TMEM132D: variants seen among roughly 807,000 people sequenced by gnomAD.
The protein encoded by TMEM132D is transmembrane protein 132D.
Under a neutral mutation model 62.3 loss-of-function variants are expected in TMEM132D, and 21 were observed. The observed-to-expected ratio is 0.34, with a 90% CI of 0.24 to 0.49. The LOEUF (loss-of-function observed/expected upper bound fraction) is 0.49. Ranked by LOEUF, TMEM132D falls within the 20% of genes least tolerant of loss-of-function variation. The pLI is 0.99. For synonymous variants in TMEM132D, 621 were observed against 575.6 expected, an observed-to-expected ratio of 1.08 and a Z score of -1.13; for missense variants, 1,346 against 1,402.8, an observed-to-expected ratio of 0.96 and a Z score of 0.65.
In TMEM132D at chr12:129,851,474, G is replaced by A. The variant is rs375728348; in HGVS notation, c.79+51787C>T. On this transcript the variant is annotated intron_variant, in intron 1 of 8. Transcript: ENST00000422113. ...CACGCCAGCATTAACACTGCTCTAG[G>A]TTGGAGATAATTGGAACTGTAGTGA... is the stretch of plus-strand genomic sequence containing the variant. Among the ~76,000 whole-genome samples, 3 of 152,306 alleles carry A rather than the reference G, an allele frequency of 2.0e-5. No homozygotes were observed. The South Asian group carries it at 6.2e-4, about 32-fold the overall frequency.
At chr12:129,686,306 G>T (rs529084225) in intron 2 of TMEM132D, among the ~76,000 whole-genome samples, 63 of 152,202 alleles carry the variant, frequency 4.1e-4, no homozygotes, top group African/African-American at 1.5e-3. Flanking sequence ...CATGGCAGTG[G>T]TTACCCCCAT....
rs549208991 is a variant in TMEM132D, at chr12:129,348,184, AC to A, written c.1116-10368del. 3.5e-3 allele frequency among the ~76,000 whole-genome samples: 526 copies of A among 152,282 alleles called. 1 individual carries two copies. Among genetic ancestry groups the A allele is most frequent in the African/African-American group, 0.012 (496 of 41,552 alleles). ...GATCTAGAACCAGAAATACCATTTG[AC>A]CCAGCAATCCCATTACTGGGTATAT... On this transcript the variant is annotated intron_variant, in intron 3 of 8. Coordinates refer to ENST00000422113, the MANE Select transcript of TMEM132D (RefSeq NM_133448.3).
At chr12:129,456,368 G>A (rs748058523) in intron 3 of TMEM132D, among the ~76,000 whole-genome samples, 1 of 152,092 alleles carries the variant, frequency 6.6e-6, no homozygotes, top group African/African-American at 2.4e-5. Context: ...CATGGCTGAG[G>A]AGAGAGAACA....
chr12:129,830,607 T>C (rs1437819739), intron 1 of TMEM132D, among the ~76,000 whole-genome samples: 1 of 152,020 alleles, frequency 6.6e-6, no homozygotes, highest in African/African-American at 2.4e-5. Context: ...TGTCTCCTGT[T>C]TCCCTAAAAT....
Position 129,081,938 on chromosome 12 carries a change from G to T in TMEM132D, c.1744C>A (p.Gln582Lys), listed in dbSNP as rs1874465029. 6.2e-7 allele frequency: 1 copy of T among 1,613,958 alleles called. No individual in the cohort carries two copies. Among genetic ancestry groups the T allele is most frequent in the African/African-American group, 1.3e-5 (1 of 74,920 alleles). The change falls in exon 7 of 9, where the codon CAG (glutamine) becomes AAG (lysine). Residue 582 changes from glutamine to lysine, a missense_variant. Physicochemically the swap from Gln to Lys is moderately conservative, Grantham distance 53 (BLOSUM62 1). Transcript: ENST00000422113. The part of the protein sequence containing the change: ...YQHAMVRVLT[Q>K]FVAEAAGPGG... Reference sequence around the variant, plus strand: ...GGGCCGGCCGCCTCAGCCACAAACTGCGTCAGGACCCGCACCATGGCGTGC... The same window carrying T: ...GGGCCGGCCGCCTCAGCCACAAACTTCGTCAGGACCCGCACCATGGCGTGC...
chr12:129,832,642 C>G (rs928412734), intron 1 of TMEM132D, among the ~76,000 whole-genome samples: 1 of 152,152 alleles, frequency 6.6e-6, no homozygotes, highest in Non-Finnish European at 1.5e-5. Context: ...TCTGCCTCCT[C>G]CCAGGCCTCT....
At position 129,591,016 on chromosome 12, in the gene TMEM132D, A is replaced by AAAAG. The variant is rs1333230674; in HGVS notation, c.969-59815_969-59812dup. ...AGCTATGGATGTGTTATGGTGAGAG[A>AAAAG]AAAGAAAGAAAAAGAATATTGAAGA... On this transcript the variant is annotated intron_variant, in intron 2 of 8. Coordinates refer to ENST00000422113, the MANE Select transcript of TMEM132D (RefSeq NM_133448.3). 6.6e-5 allele frequency among the ~76,000 whole-genome samples: 10 copies of AAAAG among 152,324 alleles called. No homozygotes were observed. The East Asian group carries it at 1.9e-3, about 29-fold the overall frequency.
intron 1 of TMEM132D, among the ~76,000 whole-genome samples, chr12:129,754,828 T>C (rs188376861): frequency 7.2e-5 from 11 of 152,248 alleles, no homozygotes; most frequent in Admixed American, 5.2e-4. Context: ...GAGACTAAAA[T>C]AGAAAAACAT....
intron 4 of TMEM132D, among the ~76,000 whole-genome samples, chr12:129,238,413 G>T (rs1879843250): frequency 6.6e-6 from 1 of 152,018 alleles, no homozygotes; most frequent in African/African-American, 2.4e-5. Flanking sequence ...TCACATCGTT[G>T]TGTAACCTAT....
chr12:129,758,709 T>G (rs2137272973), intron 1 of TMEM132D, among the ~76,000 whole-genome samples: 1 of 152,306 alleles, frequency 6.6e-6, no homozygotes, highest in African/African-American at 2.4e-5. Context: ...ACCTAAATAT[T>G]TTCTAAAGGG....
chr12:129,137,009 T>C (rs1876593650), intron 5 of TMEM132D, among the ~76,000 whole-genome samples: 1 of 143,300 alleles, frequency 7.0e-6, no homozygotes. Flanking sequence ...AGCATCACCA[T>C]CACAATTACC....
intron 3 of TMEM132D, among the ~76,000 whole-genome samples, chr12:129,434,094 T>C (rs1872729401): frequency 6.6e-6 from 1 of 152,168 alleles, no homozygotes; most frequent in Admixed American, 6.5e-5. Flanking sequence ...TATGCAAACA[T>C]GATCAACATT....
Position 129,371,152 on chromosome 12 carries a change from A to T in TMEM132D, c.1116-33335T>A, listed in dbSNP as rs1218766412. Among the ~76,000 whole-genome samples, 2 of 152,218 alleles carry T rather than the reference A, an allele frequency of 1.3e-5. No homozygotes were observed. Among genetic ancestry groups the T allele is most frequent in the Non-Finnish European group, 2.9e-5 (2 of 68,044 alleles). The stretch of plus-strand genomic sequence containing the variant: ...ATATGTACAACTATGACAAATCAAT[A>T]AAAAAGTACAAAAGACTTGCTAAAA... On this transcript the variant is annotated intron_variant, in intron 3 of 8. Coordinates refer to ENST00000422113, the MANE Select transcript of TMEM132D (RefSeq NM_133448.3). The surrounding 1 kb of genome is among the most constrained non-coding windows in gnomAD (Gnocchi z 4.3).
chr12:129,505,779 C>A (rs975785803), intron 3 of TMEM132D, among the ~76,000 whole-genome samples: 1 of 152,094 alleles, frequency 6.6e-6, no homozygotes, highest in African/African-American at 2.4e-5. Flanking sequence ...TATAATGTCC[C>A]TCTTTGTCTT....
intron 2 of TMEM132D, among the ~76,000 whole-genome samples, chr12:129,612,247 T>C (rs866702138): frequency 2.0e-5 from 3 of 152,138 alleles, no homozygotes; most frequent in African/African-American, 7.2e-5. Flanking sequence ...GGGGAGGAAT[T>C]CCCTGTCCAT....
intron 1 of TMEM132D, among the ~76,000 whole-genome samples, chr12:129,873,586 AGAATGG>A (rs1226913179): frequency 6.6e-6 from 1 of 152,214 alleles, no homozygotes; most frequent in Non-Finnish European, 1.5e-5. Flanking sequence ...CTGGGCACAA[AGAATGG>A]ATCTGTCTTG....
intron 4 of TMEM132D, among the ~76,000 whole-genome samples, chr12:129,246,056 C>A (rs1880097597): frequency 6.6e-6 from 1 of 152,010 alleles, no homozygotes; most frequent in Admixed American, 6.6e-5. Context: ...CCACCCCGGC[C>A]CACTTCACAG....
At chr12:129,229,023 T>C (rs985570721) in intron 4 of TMEM132D, among the ~76,000 whole-genome samples, 5 of 152,174 alleles carry the variant, frequency 3.3e-5, no homozygotes, top group African/African-American at 9.7e-5. Context: ...CTCCATTGAA[T>C]TGGGAGGTCC....
intron 5 of TMEM132D, among the ~76,000 whole-genome samples, chr12:129,108,959 C>T (rs984986708): frequency 6.6e-6 from 1 of 152,198 alleles, no homozygotes; most frequent in Non-Finnish European, 1.5e-5. Flanking sequence ...AAGTTGCAAA[C>T]ATCTGTTTAC....
Sources: gnomAD v4.1 joint callset for allele counts (sites outside exome capture counted in the v4.1 genomes callset) on GRCh38, gnomAD v4.1.1 for gene constraint, Gnocchi (gnomAD v3.1) non-coding constraint, MANE v1.5 for transcripts, NCBI Gene and HGNC (gene_info 2026-07-23, HGNC 2026-07-21) for gene names.